Variants in EFNA5 observed in about 807,000 individuals in gnomAD.
EFNA5 encodes the protein ephrin-A5.
Under a neutral mutation model 22.9 loss-of-function variants are expected in EFNA5, and 5 were observed. The ratio of observed to expected loss-of-function variants is 0.22; its 90% CI spans 0.11 to 0.46. EFNA5 has a LOEUF of 0.46. EFNA5 is among the 20% of genes least tolerant of loss of function. EFNA5 has a pLI of 0.99. For missense variants in EFNA5, 237 were observed against 293.3 expected, an observed-to-expected ratio of 0.81 and a Z score of 1.40; for synonymous variants, 113 against 112.2, an observed-to-expected ratio of 1.01 and a Z score of -0.04.
intron 1 of EFNA5, among the ~76,000 whole-genome samples, chr5:107,652,079 T>A (rs1379289214): frequency 1.3e-5 from 2 of 152,178 alleles, no homozygotes; most frequent in African/African-American, 4.8e-5. Flanking sequence ...AAAGCTGCTC[T>A]AAATAAATAA....
intron 1 of EFNA5, among the ~76,000 whole-genome samples, chr5:107,553,846 C>A (rs566303363): frequency 1.2e-4 from 18 of 152,066 alleles, no homozygotes; most frequent in African/African-American, 4.3e-4. Context: ...GGGATTAGTT[C>A]TTCACAGAGT....
intron 2 of EFNA5, among the ~76,000 whole-genome samples, chr5:107,410,404 C>T (rs1234864053): frequency 6.6e-6 from 1 of 152,136 alleles, no homozygotes; most frequent in Non-Finnish European, 1.5e-5. Context: ...TCTGGTTGCA[C>T]TGACCAGATA....
chr5:107,604,944 A>G (rs1749680930), intron 1 of EFNA5, among the ~76,000 whole-genome samples: 1 of 152,154 alleles, frequency 6.6e-6, no homozygotes, highest in African/African-American at 2.4e-5. Flanking sequence ...CCCAATCTAC[A>G]AATGGTTATC....
chr5:107,575,988 A>C (rs1748920122), intron 1 of EFNA5, among the ~76,000 whole-genome samples: 1 of 152,228 alleles, frequency 6.6e-6, no homozygotes, highest in South Asian at 2.1e-4. Flanking sequence ...AAACTGCCTC[A>C]TTTCCTAAAG....
chr5:107,533,653 C>T (rs1747869101), intron 1 of EFNA5, among the ~76,000 whole-genome samples: 1 of 151,938 alleles, frequency 6.6e-6, no homozygotes, highest in African/African-American at 2.4e-5. Flanking sequence ...TCATTAGATC[C>T]ATGCAGTTAA....
chr5:107,420,168 G>T (rs1171589706), intron 2 of EFNA5, among the ~76,000 whole-genome samples: 1 of 152,106 alleles, frequency 6.6e-6, no homozygotes, highest in African/African-American at 2.4e-5. Context: ...CTAGCATAAT[G>T]CTCCTTAAGA....
intron 1 of EFNA5, among the ~76,000 whole-genome samples, chr5:107,627,553 T>C (rs915413774): frequency 6.6e-6 from 1 of 151,386 alleles, no homozygotes; most frequent in Admixed American, 6.6e-5. Flanking sequence ...GGAGGACTGC[T>C]TGAGCCCAGG....
intron 1 of EFNA5, among the ~76,000 whole-genome samples, chr5:107,661,956 C>T (rs1334823136): frequency 1.3e-5 from 2 of 151,938 alleles, no homozygotes; most frequent in Non-Finnish European, 2.9e-5. Flanking sequence ...TTTATAATTT[C>T]CAGGGAAAGA....
intron 1 of EFNA5, among the ~76,000 whole-genome samples, chr5:107,579,942 A>ACT (rs1163951796): frequency 1.3e-5 from 2 of 152,090 alleles, no homozygotes; most frequent in Admixed American, 1.3e-4. Flanking sequence ...TTATAATAAA[A>ACT]CTCTTTATCC....
intron 1 of EFNA5, among the ~76,000 whole-genome samples, chr5:107,460,407 G>A (rs1249402021): frequency 6.6e-6 from 1 of 152,126 alleles, no homozygotes; most frequent in African/African-American, 2.4e-5. Context: ...CTATCCATGA[G>A]TGCAAAATGG....
intron 1 of EFNA5, among the ~76,000 whole-genome samples, chr5:107,457,850 A>G (rs1404774746): frequency 1.3e-5 from 2 of 152,216 alleles, no homozygotes; most frequent in Non-Finnish European, 2.9e-5. Flanking sequence ...ATTGCTTCAC[A>G]TAGGAGCAGC....
intron 1 of EFNA5, among the ~76,000 whole-genome samples, chr5:107,486,184 G>T (rs1360639978): frequency 6.6e-6 from 1 of 152,074 alleles, no homozygotes; most frequent in Non-Finnish European, 1.5e-5. Context: ...GCAAACAAAG[G>T]AAAAAACAAA....
chr5:107,482,860 CTCTCTCTCTCTATATATATATA>C (rs1750519499), intron 1 of EFNA5, among the ~76,000 whole-genome samples: 13 of 87,858 alleles, frequency 1.5e-4, no homozygotes, highest in Non-Finnish European at 2.9e-4. Context: ...CTCTCTCTCT[CTCTCTCTCTCTATATATATATA>C]TATATATATA....
At chr5:107,565,184 A>T (rs1358126307) in intron 1 of EFNA5, among the ~76,000 whole-genome samples, 1 of 152,184 alleles carries the variant, frequency 6.6e-6, no homozygotes, top group Non-Finnish European at 1.5e-5. Flanking sequence ...AACAAACACA[A>T]TATGAAATTC....
intron 1 of EFNA5, among the ~76,000 whole-genome samples, chr5:107,647,673 A>T (rs1750653891): frequency 6.6e-6 from 1 of 152,208 alleles, no homozygotes; most frequent in South Asian, 2.1e-4. Flanking sequence ...CAGAAACACC[A>T]GCAAACACAC....
intron 1 of EFNA5, among the ~76,000 whole-genome samples, chr5:107,585,782 A>C (rs563304848): frequency 1.2e-4 from 18 of 152,346 alleles, no homozygotes; most frequent in Admixed American, 6.5e-4. Flanking sequence ...GCCATAACAG[A>C]AATTAGCCCT....
intron 2 of EFNA5, among the ~76,000 whole-genome samples, chr5:107,394,578 G>A (rs190733718): frequency 6.6e-6 from 1 of 152,268 alleles, no homozygotes; most frequent in East Asian, 1.9e-4. Flanking sequence ...GGTAAAATAA[G>A]TTCCAGCTGT....
chr5:107,512,579 A>T (rs1419738422), intron 1 of EFNA5, among the ~76,000 whole-genome samples: 2 of 152,132 alleles, frequency 1.3e-5, no homozygotes. Flanking sequence ...ATTTCCAGTG[A>T]TTATTGCCAT....
chr5:107,423,381 T>C lies in EFNA5; in HGVS notation c.418+3836A>G, dbSNP rs17159959. Among the ~76,000 whole-genome samples the C allele has an allele frequency of 5.6e-3, 839 of 150,306 alleles. 5 individuals carry two copies. The highest frequency in any genetic ancestry group is 0.02 in the African/African-American group (804 of 40,822). On this transcript the variant is annotated intron_variant, in intron 2 of 4. Transcript: ENST00000333274. Reference sequence around the variant, plus strand: ...AATATTTAAGAGTATCATTTCTAAATTGAGTATTTTTTAAGTTTCTAAAAG... The same window carrying C: ...AATATTTAAGAGTATCATTTCTAAACTGAGTATTTTTTAAGTTTCTAAAAG...
Sources: allele counts gnomAD v4.1 joint callset (sites outside exome capture counted in the v4.1 genomes callset), GRCh38; gene constraint gnomAD v4.1.1; transcripts MANE v1.5; gene names NCBI Gene and HGNC (gene_info 2026-07-23, HGNC 2026-07-21).